Variants in HTR4 observed in about 807,000 individuals in gnomAD.
The protein encoded by HTR4 is 5-hydroxytryptamine receptor 4, also known as 5-hydroxytryptamine (serotonin) receptor 4, G protein-coupled.
HTR4 carries 16 observed loss-of-function variants against 36.8 expected under a neutral mutation model. The ratio of observed to expected loss-of-function variants is 0.43; its 90% CI spans 0.29 to 0.66. HTR4 has a LOEUF of 0.66. HTR4 is among the 30% of genes least tolerant of loss of function. The pLI, the probability that HTR4 is intolerant of heterozygous loss-of-function variation, is 0.13. For synonymous variants in HTR4, 189 were observed against 185.1 expected, an observed-to-expected ratio of 1.02 and a Z score of -0.17; for missense variants, 438 against 490.9, an observed-to-expected ratio of 0.89 and a Z score of 1.02.
chr5:148,620,072 G>C (rs1752857934), intron 2 of HTR4, among the ~76,000 whole-genome samples: 1 of 152,172 alleles, frequency 6.6e-6, no homozygotes, highest in African/African-American at 2.4e-5. Flanking sequence ...AAGCAAAAGA[G>C]AGACTCCATC....
chr5:148,633,182 G>C, intron 2 of HTR4, among the ~76,000 whole-genome samples: 1 of 152,062 alleles, frequency 6.6e-6, no homozygotes, highest in Non-Finnish European at 1.5e-5. Context: ...CCCCAACCAG[G>C]GCCTGATTCA....
In HTR4 at chr5:148,600,329, T is replaced by TATTAAATATATATAATATTTA. The variant is rs1761939499; in HGVS notation, c.26+36659_26+36660insTAAATATTATATATATTTAAT. On this transcript the variant is annotated intron_variant, in intron 2 of 6. Coordinates refer to ENST00000377888, the MANE Select transcript of HTR4 (RefSeq NM_000870.7). ...ATTATATTATATATTTTAATATATG[T>TATTAAATATATATAATATTTA]ATATTATTTATATATATATATTTTT... Among the ~76,000 whole-genome samples, 4 of 143,958 alleles carry TATTAAATATATATAATATTTA rather than the reference T, an allele frequency of 2.8e-5. No homozygotes were observed. The South Asian group carries it at 8.6e-4, about 31-fold the overall frequency. The allele number at this position is 143,958 out of a possible 152,430, so 94.4% of individuals were successfully genotyped here. A position where few individuals can be genotyped will look rare whatever the true frequency, so the allele number is the denominator to read the frequency against.
At chr5:148,622,207 G>C (rs1037976797) in intron 2 of HTR4, among the ~76,000 whole-genome samples, 3 of 151,964 alleles carry the variant, frequency 2.0e-5, no homozygotes, top group African/African-American at 7.3e-5. Flanking sequence ...TCTTCTCTGT[G>C]GTTTAAAATT....
intron 4 of HTR4, among the ~76,000 whole-genome samples, chr5:148,527,979 G>A (rs184347319): frequency 7.2e-4 from 110 of 152,246 alleles, no homozygotes; most frequent in African/African-American, 2.6e-3. Context: ...AAGTGCTTGG[G>A]CAATAAGCCC....
intron 4 of HTR4, among the ~76,000 whole-genome samples, chr5:148,528,497 T>C (rs1370393496): frequency 6.6e-6 from 1 of 152,042 alleles, no homozygotes; most frequent in Non-Finnish European, 1.5e-5. Context: ...TCTAGAAAAG[T>C]AAACATCCTC....
intron 2 of HTR4, among the ~76,000 whole-genome samples, chr5:148,612,865 A>C (rs1377249605): frequency 2.0e-5 from 3 of 147,514 alleles, no homozygotes; most frequent in Admixed American, 2.0e-4. Context: ...CCGATCCCAC[A>C]GAAATACAAA....
At chr5:148,557,765 T>C (rs913435661) in intron 2 of HTR4, among the ~76,000 whole-genome samples, 1 of 148,192 alleles carries the variant, frequency 6.7e-6, no homozygotes, top group Non-Finnish European at 1.5e-5. Flanking sequence ...AATACATATA[T>C]ATAATATATT....
chr5:148,565,783 C>T (rs967340057), intron 2 of HTR4, among the ~76,000 whole-genome samples: 1 of 152,140 alleles, frequency 6.6e-6, no homozygotes, highest in Non-Finnish European at 1.5e-5. Flanking sequence ...TTCAGATTCT[C>T]TACCTGGATT....
chr5:148,509,865 C>T lies in HTR4; in HGVS notation c.667G>A (p.Ala223Thr), dbSNP rs1757412826. The change falls in exon 6 of 7, where the codon GCC becomes ACC. Residue 223 changes from alanine to threonine, a missense_variant. Transcript: ENST00000377888. ...YRIYVTAKEH[A>T]HQIQMLQRAG... is the part of the protein sequence containing the mutation. ...CGTTGTAACATCTGGATCTGATGGG[C>T]ATGCTCCTTAGCTGTGACATAGATG... 7 of 1,613,872 alleles carry T rather than the reference C, an allele frequency of 4.3e-6. No individual in the cohort carries two copies. The highest frequency in any genetic ancestry group is 1.3e-5 in the African/African-American group (1 of 74,898).
rs115748733 is a variant in HTR4, at chr5:148,574,848, A to G, written c.27-24586T>C. Among the ~76,000 whole-genome samples, 1,051 of 152,246 alleles carry G rather than the reference A, an allele frequency of 6.9e-3. 11 individuals carry two copies. The highest frequency in any genetic ancestry group is 0.024 in the African/African-American group (1,010 of 41,582). ...CACCACAGAATTCATTTTATTTTTCATATTGTCAAATGACATAAAATAATT... is the reference window on the plus strand; with the variant it reads ...CACCACAGAATTCATTTTATTTTTCGTATTGTCAAATGACATAAAATAATT... On this transcript the variant is annotated intron_variant, in intron 2 of 6. Coordinates refer to ENST00000377888, the MANE Select transcript of HTR4 (RefSeq NM_000870.7).
intron 2 of HTR4, among the ~76,000 whole-genome samples, chr5:148,567,879 C>G (rs1158516840): frequency 6.6e-6 from 1 of 152,032 alleles, no homozygotes; most frequent in East Asian, 1.9e-4. Flanking sequence ...TCTTTGTTTT[C>G]TAGTGTCTAT....
rs1484731198 is a variant in HTR4 at position 148,523,124 on chromosome 5, T to G, written c.507+69A>C. ...CTTAGAATACTCAATCTAATATTAT[T>G]TATTCATTTAGGAACCCCATGCAAA... On this transcript the variant is annotated intron_variant, in intron 5 of 6. Coordinates refer to ENST00000377888, the MANE Select transcript of HTR4 (RefSeq NM_000870.7). 2.2e-6 allele frequency: 3 copies of G among 1,345,278 alleles called. No homozygotes were observed. In the African/African-American group the frequency reaches 4.5e-5, roughly 20 times the overall value. The allele number at this position is 1,345,278 out of a possible 1,614,324, so 83.3% of individuals were successfully genotyped here. A position where few individuals can be genotyped will look rare whatever the true frequency, so the allele number is the denominator to read the frequency against.
At chr5:148,562,868 C>T (rs1471299691) in intron 2 of HTR4, among the ~76,000 whole-genome samples, 4 of 152,178 alleles carry the variant, frequency 2.6e-5, no homozygotes, top group Non-Finnish European at 5.9e-5. Context: ...CAACCCTTTA[C>T]CAGCCATTCA....
At chr5:148,539,073 A>C (rs1758976371) in intron 4 of HTR4, among the ~76,000 whole-genome samples, 2 of 152,282 alleles carry the variant, frequency 1.3e-5, no homozygotes, top group African/African-American at 2.4e-5. Flanking sequence ...ATAAGACCAC[A>C]CACCTACAGC....
At chr5:148,499,043 G>T (rs998398826) in intron 6 of HTR4, among the ~76,000 whole-genome samples, 1 of 152,160 alleles carries the variant, frequency 6.6e-6, no homozygotes, top group Non-Finnish European at 1.5e-5. Context: ...TCTTAACTCT[G>T]ACTCTAAGTG....
intron 1 of HTR4, among the ~76,000 whole-genome samples, chr5:148,646,585 T>G (rs552047883): frequency 1.3e-5 from 2 of 152,190 alleles, no homozygotes; most frequent in Non-Finnish European, 2.9e-5. Flanking sequence ...CTGTCTACAA[T>G]CTCCTACCAA....
At chr5:148,524,095 C>A (rs1017007190) in intron 4 of HTR4, among the ~76,000 whole-genome samples, 3 of 151,982 alleles carry the variant, frequency 2.0e-5, no homozygotes, top group African/African-American at 7.3e-5. Flanking sequence ...AAATGCAGAT[C>A]CCAAGGATCT....
chr5:148,634,984 CTT>C (rs937814130), intron 2 of HTR4, among the ~76,000 whole-genome samples: 1 of 152,056 alleles, frequency 6.6e-6, no homozygotes, highest in African/African-American at 2.4e-5. Context: ...GGTGTCTAGA[CTT>C]TAGTCATTTG....
intron 1 of HTR4, among the ~76,000 whole-genome samples, chr5:148,637,986 C>G (rs1003706514): frequency 2.0e-5 from 3 of 152,130 alleles, no homozygotes; most frequent in African/African-American, 7.2e-5. Flanking sequence ...CTCTGATATT[C>G]TATAGTTCTG....
Sources: allele counts gnomAD v4.1 joint callset (sites outside exome capture counted in the v4.1 genomes callset), GRCh38; gene constraint gnomAD v4.1.1; transcripts MANE v1.5; gene names NCBI Gene and HGNC (gene_info 2026-07-23, HGNC 2026-07-21).